Variants in UNC13A observed in about 807,000 individuals in gnomAD.
UNC13A encodes the protein protein unc-13 homolog A.
UNC13A carries 61 observed loss-of-function variants against 219.7 expected under a neutral mutation model. That is an observed-to-expected ratio of 0.28 (90% CI 0.23 to 0.34). The LOEUF is 0.34. Ranked by LOEUF, UNC13A falls within the 10% of genes least tolerant of loss-of-function variation. The pLI is 1.00. For synonymous variants in UNC13A, 920 were observed against 884.6 expected (o/e 1.04, Z -0.71); for missense variants, 1,476 against 2,270.3 (o/e 0.65, Z 7.11).
At chr19:17,685,747 C>A (rs2080096184) in intron 1 of UNC13A, among the ~76,000 whole-genome samples, 1 of 152,182 alleles carries the variant, frequency 6.6e-6, no homozygotes, top group South Asian at 2.1e-4. Flanking sequence ...ACATCCTAAG[C>A]ATTTGTGTCC....
chr19:17,628,813 A>G (rs1167418110), intron 31 of UNC13A, among the ~76,000 whole-genome samples: 7 of 152,066 alleles, frequency 4.6e-5, no homozygotes, highest in East Asian at 1.9e-4. Context: ...ACACACACTC[A>G]TGTTATACCC....
At position 17,652,572 on chromosome 19, in the gene UNC13A, A is replaced by G; in HGVS notation, c.1439+59T>C. On this transcript the variant is annotated intron_variant, in intron 12 of 43. Transcript: ENST00000519716. ...TCTCTGGGCTGAGGCTCAGGCGCAA[A>G]CCAGCCTTGGACTTGGGGTTCAAAT... 3 of 1,610,944 alleles carry G rather than the reference A, an allele frequency of 1.9e-6. No homozygotes were observed. The Admixed American group carries it at 5.0e-5, about 27-fold the overall frequency.
intron 42 of UNC13A, among the ~76,000 whole-genome samples, chr19:17,610,521 T>C (rs988227241): frequency 1.8e-4 from 27 of 152,206 alleles, no homozygotes; most frequent in African/African-American, 6.3e-4. Flanking sequence ...AAACCCTGTC[T>C]GAAATAAAGA....
intron 43 of UNC13A, among the ~76,000 whole-genome samples, chr19:17,609,306 T>G (rs1379819984): frequency 6.6e-6 from 1 of 151,712 alleles, no homozygotes; most frequent in Non-Finnish European, 1.5e-5. Flanking sequence ...ATCATCAGCA[T>G]CCTCTAGACC....
At chr19:17,645,872 G>A (rs768905943) in intron 18 of UNC13A, 29 bp from the exon 19 acceptor site, 1 of 1,589,676 alleles carries the variant, frequency 6.3e-7, no homozygotes, top group East Asian at 2.3e-5. Context: ...GCAGAGGCAG[G>A]GGTCAGGCAG....
chr19:17,637,441 G>A (rs972010187), intron 25 of UNC13A, among the ~76,000 whole-genome samples: 4 of 151,942 alleles, frequency 2.6e-5, no homozygotes, highest in African/African-American at 9.7e-5. Context: ...GGGACTACAG[G>A]TGCCCGCCAC....
chr19:17,626,887 C>A (rs912280121), intron 33 of UNC13A, 102 bp from the exon 34 acceptor site: 60 of 1,440,596 alleles, frequency 4.2e-5, no homozygotes, highest in Non-Finnish European at 5.1e-5. Context: ...CATCACAGCA[C>A]ATAACCGAGC....
intron 26 of UNC13A, among the ~76,000 whole-genome samples, chr19:17,635,574 G>A (rs909244397): frequency 1.3e-5 from 2 of 152,064 alleles, no homozygotes; most frequent in African/African-American, 4.8e-5. Flanking sequence ...TGCATTCAAT[G>A]ATTTTACACA....
At chr19:17,621,972 G>T in intron 36 of UNC13A, 102 bp from the exon 37 acceptor site, 1 of 1,193,082 alleles carries the variant, frequency 8.4e-7, no homozygotes, top group Non-Finnish European at 1.3e-6. Context: ...AATCCACACT[G>T]CACAGGGTAC....
At chr19:17,654,493 G>A (rs2079413438) in intron 11 of UNC13A, among the ~76,000 whole-genome samples, 1 of 152,142 alleles carries the variant, frequency 6.6e-6, no homozygotes, top group African/African-American at 2.4e-5. Context: ...ACCTTTGGGA[G>A]TCTGTTTAGA....
chr19:17,628,057 TC>T, intron 31 of UNC13A, 117 bp from the exon 32 acceptor site: 1 of 902,300 alleles, frequency 1.1e-6, no homozygotes, highest in Non-Finnish European at 1.7e-6. Context: ...GAAGCTGGGG[TC>T]CCATGGGGTC....
chr19:17,686,233 C>G (rs1003136249), intron 1 of UNC13A, among the ~76,000 whole-genome samples: 1 of 149,896 alleles, frequency 6.7e-6, no homozygotes, highest in Non-Finnish European at 1.5e-5. Context: ...CTCCTGCTGC[C>G]CCCCCTTAAT....
At chr19:17,665,474 A>G (rs1185387185) in intron 7 of UNC13A, among the ~76,000 whole-genome samples, 1 of 152,198 alleles carries the variant, frequency 6.6e-6, no homozygotes, top group Non-Finnish European at 1.5e-5. Context: ...GGAAATAGGA[A>G]GAGGAACGTG....
intron 43 of UNC13A, among the ~76,000 whole-genome samples, chr19:17,608,293 T>C (rs2076557107): frequency 7.2e-6 from 1 of 139,684 alleles, no homozygotes; most frequent in Non-Finnish European, 1.5e-5. Flanking sequence ...TATAATATAA[T>C]ATATACTATA....
chr19:17,607,777 AGT>A (rs1052997166), intron 43 of UNC13A, among the ~76,000 whole-genome samples: 3 of 151,450 alleles, frequency 2.0e-5, no homozygotes, highest in African/African-American at 7.3e-5. Context: ...GCCCTGCCCC[AGT>A]GCTCTGTGAG....
Position 17,603,168 on chromosome 19 carries a change from C to T in UNC13A, c.*2886G>A, listed in dbSNP as rs2076484121. 6.6e-6 allele frequency: 1 copy of T among 152,198 alleles called. No homozygotes were observed. Among genetic ancestry groups the T allele is most frequent in the South Asian group, 2.1e-4 (1 of 4,832 alleles). 9.4% of individuals were successfully genotyped at this position (152,198 alleles called of 1,614,324 possible). On this transcript the variant is annotated 3_prime_UTR_variant, in exon 44 of 44. Transcript: ENST00000519716. ...GGAAAACTCATTCAACAAATATTCC[C>T]TGAAGAAGCTTGTTTCCTTCACATG...
chr19:17,666,921 A>T (rs2079663708), intron 6 of UNC13A, among the ~76,000 whole-genome samples: 1 of 151,642 alleles, frequency 6.6e-6, no homozygotes, highest in Non-Finnish European at 1.5e-5. Context: ...AAAGACAGAG[A>T]CAGAGACAGA....
In UNC13A at chr19:17,623,539, T is replaced by C; in HGVS notation, c.4203+3A>G. On this transcript the variant is annotated splice_donor_region_variant and intron_variant, in intron 36 of 43. Coordinates refer to ENST00000519716, the MANE Select transcript of UNC13A (RefSeq NM_001080421.3). ...ACAGACGGACAGACGGGACTCTACT[T>C]ACGATCATCTGTCATCCGTGATGGG... 6.9e-7 allele frequency: 1 copy of C among 1,456,294 alleles called. No individual in the cohort carries two copies. Among genetic ancestry groups the C allele is most frequent in the Non-Finnish European group, 9.1e-7 (1 of 1,099,152 alleles). 90.2% of individuals were successfully genotyped at this position (1,456,294 alleles called of 1,614,324 possible).
intron 26 of UNC13A, among the ~76,000 whole-genome samples, chr19:17,633,813 T>C (rs1399477496): frequency 6.8e-6 from 1 of 146,554 alleles, no homozygotes; most frequent in Non-Finnish European, 1.5e-5. Context: ...ATCTATCTGT[T>C]CATCCATCTA....
Sources: allele counts gnomAD v4.1 joint callset (sites outside exome capture counted in the v4.1 genomes callset), GRCh38; gene constraint gnomAD v4.1.1; transcripts MANE v1.5; gene names NCBI Gene and HGNC (gene_info 2026-07-23, HGNC 2026-07-21).